The following FYN variants were observed in gnomAD, a reference collection of about 807,000 sequenced individuals.
FYN encodes FYN proto-oncogene, Src family tyrosine kinase.
FYN carries 10 observed loss-of-function variants against 70.2 expected under a neutral mutation model. That is an observed-to-expected ratio of 0.14 (90% CI 0.09 to 0.24). The LOEUF (loss-of-function observed/expected upper bound fraction) is 0.24, where lower values mean the gene tolerates loss of function less well. Among genes scored for constraint, FYN ranks in the 10% least tolerant of loss-of-function variants. FYN has a pLI of 1.00. For missense variants in FYN, 319 were observed against 673.1 expected (o/e 0.47, Z 5.82); for synonymous variants, 236 against 248.6 (o/e 0.95, Z 0.48).
chr6:111,722,342 AT>A (rs1800992571), intron 3 of FYN, among the ~76,000 whole-genome samples: 2 of 152,188 alleles, frequency 1.3e-5, no homozygotes, highest in Non-Finnish European at 2.9e-5. Flanking sequence ...AATGGATATG[AT>A]TTTAACAAGT....
intron 3 of FYN, 30 bp downstream of exon 3, chr6:111,780,536 G>A (rs1191137604): frequency 6.6e-6 from 1 of 152,558 alleles, no homozygotes; most frequent in Non-Finnish European, 1.5e-5. Context: ...TACAGCAAGA[G>A]GCATTAGAAG....
At chr6:111,846,464 T>C in intron 2 of FYN, 125 bp downstream of exon 2, 1 of 398,234 alleles carries the variant, frequency 2.5e-6, no homozygotes, top group Non-Finnish European at 4.4e-6. Flanking sequence ...TCGACCTCTC[T>C]CTTAGAAATC....
chr6:111,779,121 ATTTTTTTTTTTTT>A (rs397934539), intron 3 of FYN, among the ~76,000 whole-genome samples: 2 of 91,494 alleles, frequency 2.2e-5, no homozygotes, highest in African/African-American at 4.2e-5. Flanking sequence ...AGTAGGAGAC[ATTTTTTTTTTTTT>A]TTTTTTTTTT....
chr6:111,849,651 A>G (rs968258468), intron 1 of FYN, among the ~76,000 whole-genome samples: 1 of 152,202 alleles, frequency 6.6e-6, no homozygotes. Flanking sequence ...AGCCAGAAGT[A>G]GCACTGTACC....
At chr6:111,864,805 C>T (rs1774060748) in intron 1 of FYN, among the ~76,000 whole-genome samples, 1 of 152,216 alleles carries the variant, frequency 6.6e-6, no homozygotes, top group African/African-American at 2.4e-5. Flanking sequence ...AGCAGTCACA[C>T]AGACCTGGCT....
intron 2 of FYN, among the ~76,000 whole-genome samples, chr6:111,829,674 C>T (rs60307660): frequency 0.037 from 5,570 of 152,272 alleles, 243 homozygotes; most frequent in African/African-American, 0.11. Flanking sequence ...TGACCTTAGA[C>T]AAGTTATTTA....
intron 3 of FYN, among the ~76,000 whole-genome samples, chr6:111,751,349 G>A (rs571638538): frequency 3.3e-5 from 5 of 152,228 alleles, no homozygotes; most frequent in South Asian, 4.1e-4. Flanking sequence ...GCCTCAGAAC[G>A]CCAGAACTGC....
intron 5 of FYN, among the ~76,000 whole-genome samples, chr6:111,712,780 G>T (rs1263449091): frequency 6.6e-6 from 1 of 152,202 alleles, no homozygotes; most frequent in Admixed American, 6.5e-5. Context: ...CTCCTGGGGG[G>T]CAGGTAACAC....
chr6:111,688,615 G>A (rs374286237), intron 12 of FYN, among the ~76,000 whole-genome samples: 9 of 152,218 alleles, frequency 5.9e-5, no homozygotes, highest in East Asian at 3.8e-4. Context: ...TGCTCCAGCC[G>A]TGCCCACGCA....
chr6:111,699,317 C>G (rs1304771546), intron 9 of FYN, among the ~76,000 whole-genome samples: 7 of 152,184 alleles, frequency 4.6e-5, no homozygotes, highest in African/African-American at 1.7e-4. Context: ...TCTGCGGGTG[C>G]CTTAATTAAC....
At chr6:111,698,664 C>T (rs1799686651) in intron 9 of FYN, among the ~76,000 whole-genome samples, 1 of 152,182 alleles carries the variant, frequency 6.6e-6, no homozygotes. Context: ...ATTACAAAGG[C>T]CCAGTGCAGC....
At chr6:111,746,771 A>C (rs1802240667) in intron 3 of FYN, among the ~76,000 whole-genome samples, 2 of 152,132 alleles carry the variant, frequency 1.3e-5, no homozygotes. Flanking sequence ...CTCCAACAGC[A>C]ACAAGGGCTA....
At chr6:111,841,411 C>T (rs1055618929) in intron 2 of FYN, among the ~76,000 whole-genome samples, 21 of 152,170 alleles carry the variant, frequency 1.4e-4, no homozygotes, top group African/African-American at 4.3e-4. Flanking sequence ...ATGATGGCTT[C>T]AGGACAAGAG....
intron 1 of FYN, among the ~76,000 whole-genome samples, 185 bp from the exon 2 acceptor site, chr6:111,846,814 T>C (rs1474920906): frequency 6.6e-6 from 1 of 152,196 alleles, no homozygotes; most frequent in Non-Finnish European, 1.5e-5. Context: ...TGTCTGAAAC[T>C]GCAAAGACCT....
chr6:111,731,081 C>T (rs537325565), intron 3 of FYN, among the ~76,000 whole-genome samples: 4 of 152,278 alleles, frequency 2.6e-5, no homozygotes, highest in African/African-American at 9.6e-5. Flanking sequence ...GTCATCAATG[C>T]CCCCTCCCCA....
intron 1 of FYN, among the ~76,000 whole-genome samples, chr6:111,858,864 A>C (rs1267002889): frequency 6.6e-6 from 1 of 151,358 alleles, no homozygotes; most frequent in Non-Finnish European, 1.5e-5. Flanking sequence ...AAAAAAGTGC[A>C]ACACATTGAC....
At chr6:111,718,869 C>T (rs706894) in intron 4 of FYN, among the ~76,000 whole-genome samples, 3,610 of 152,230 alleles carry the variant, frequency 0.024, 152 homozygotes, top group African/African-American at 0.077. Context: ...TCCAAAGGCT[C>T]AGGGTCAGGC....
intron 3 of FYN, among the ~76,000 whole-genome samples, chr6:111,746,574 ATGGTATGAATATACCACTAC>A (rs1230065366): frequency 6.6e-6 from 1 of 152,206 alleles, no homozygotes; most frequent in East Asian, 1.9e-4. Context: ...GTAGTATTCC[ATGGTATGAATATACCACTAC>A]TTAGTAGCTT....
At chr6:111,872,588 T>C (rs1335910820) in intron 1 of FYN, among the ~76,000 whole-genome samples, 1 of 151,950 alleles carries the variant, frequency 6.6e-6, no homozygotes, top group Non-Finnish European at 1.5e-5. Flanking sequence ...TATTAAGTGA[T>C]TACATCATCC....
Sources: allele counts gnomAD v4.1 joint callset (sites outside exome capture counted in the v4.1 genomes callset), GRCh38; gene constraint gnomAD v4.1.1; transcripts MANE v1.5; gene names NCBI Gene and HGNC (gene_info 2026-07-23, HGNC 2026-07-21).